The following HMBOX1 variants were observed in gnomAD, a reference collection of about 807,000 sequenced individuals.
HMBOX1 encodes the protein homeobox containing 1.
HMBOX1 carries 14 observed loss-of-function variants against 54.5 expected under a neutral mutation model. The observed-to-expected ratio is 0.26, with a 90% CI of 0.17 to 0.40. HMBOX1 has a LOEUF of 0.40. HMBOX1 is among the 10% of genes least tolerant of loss of function. HMBOX1 has a pLI of 1.00. For missense variants in HMBOX1, 332 were observed against 514.4 expected (o/e 0.65, Z 3.43); for synonymous variants, 160 against 181.0 (o/e 0.88, Z 0.93).
chr8:29,022,086 C>T (rs1286078273), intron 6 of HMBOX1, among the ~76,000 whole-genome samples: 1 of 152,058 alleles, frequency 6.6e-6, no homozygotes, highest in Non-Finnish European at 1.5e-5. Flanking sequence ...AGGAAAATTA[C>T]CTATGAGTTT....
At chr8:29,004,162 A>G (rs1833082795) in intron 4 of HMBOX1, among the ~76,000 whole-genome samples, 1 of 152,196 alleles carries the variant, frequency 6.6e-6, no homozygotes, top group Admixed American at 6.5e-5. Context: ...TGTGTTGAGG[A>G]CCTGTGGGAA....
At chr8:28,935,780 C>T (rs982987401) in intron 1 of HMBOX1, among the ~76,000 whole-genome samples, 3 of 152,096 alleles carry the variant, frequency 2.0e-5, no homozygotes, top group African/African-American at 2.4e-5. Flanking sequence ...GTATAATTCG[C>T]GGCTTTATTT....
Position 28,990,883 on chromosome 8 carries a change from A to G in HMBOX1, c.586+10727A>G, listed in dbSNP as rs184206409. Among the ~76,000 whole-genome samples the G allele has an allele frequency of 6.6e-3, 1,011 of 152,128 alleles. 14 individuals are homozygous for G. Among genetic ancestry groups the G allele is most frequent in the African/African-American group, 0.023 (954 of 41,502 alleles). On this transcript the variant is annotated intron_variant, in intron 4 of 9. Coordinates refer to ENST00000287701, the MANE Select transcript of HMBOX1 (RefSeq NM_001135726.3). ...TGGCCAGGCTGGTCTCGAGCTCCTGACTTCAAGTGATCTGCCCACCTCGGC... is the reference window on the plus strand; with the variant it reads ...TGGCCAGGCTGGTCTCGAGCTCCTGGCTTCAAGTGATCTGCCCACCTCGGC...
At chr8:28,968,436 G>T (rs1342904526) in intron 2 of HMBOX1, among the ~76,000 whole-genome samples, 1 of 152,168 alleles carries the variant, frequency 6.6e-6, no homozygotes, top group Non-Finnish European at 1.5e-5. Context: ...TAAGATCTAG[G>T]CTTAAATCTT....
At chr8:29,026,487 G>T (rs1230232428) in intron 6 of HMBOX1, among the ~76,000 whole-genome samples, 1 of 152,046 alleles carries the variant, frequency 6.6e-6, no homozygotes, top group Non-Finnish European at 1.5e-5. Flanking sequence ...CTATTAAATT[G>T]TATGCCTTAA....
rs533449506 is a variant in HMBOX1, at chr8:28,901,792, T to C, written c.-58+11114T>C. On this transcript the variant is annotated intron_variant, in intron 1 of 9. Coordinates refer to ENST00000287701, the MANE Select transcript of HMBOX1 (RefSeq NM_001135726.3). The stretch of plus-strand genomic sequence containing the variant: ...ATGTCTTATTTTCTTATTCCAGAAG[T>C]CATTTTCTGTATTGCATTCAAGTAA... 2.6e-5 allele frequency among the ~76,000 whole-genome samples: 4 copies of C among 152,336 alleles called. No homozygotes were observed. In the South Asian group the frequency reaches 6.2e-4, roughly 24 times the overall value.
At chr8:28,897,047 C>T (rs1283095150) in intron 1 of HMBOX1, among the ~76,000 whole-genome samples, 9 of 150,228 alleles carry the variant, frequency 6.0e-5, no homozygotes, top group South Asian at 2.1e-4. Context: ...TACAATGGCG[C>T]GATGTCATCT....
At chr8:28,999,944 C>T (rs1832392855) in intron 4 of HMBOX1, among the ~76,000 whole-genome samples, 1 of 152,076 alleles carries the variant, frequency 6.6e-6, no homozygotes. Flanking sequence ...TTTCTTGTTT[C>T]TTTGCATGTC....
chr8:29,004,040 T>G (rs187414831), intron 4 of HMBOX1, among the ~76,000 whole-genome samples: 1 of 152,274 alleles, frequency 6.6e-6, no homozygotes, highest in African/African-American at 2.4e-5. Flanking sequence ...AGAAAGTGAT[T>G]GTATTTAGTA....
In HMBOX1 at chr8:29,009,124, G is replaced by A. The variant is rs1833874410; in HGVS notation, c.639G>A (p.Leu213=). 1 of 1,613,572 alleles carries A rather than the reference G, an allele frequency of 6.2e-7. No individual in the cohort carries two copies. Among genetic ancestry groups the A allele is most frequent in the African/African-American group, 1.3e-5 (1 of 74,920 alleles). The change falls in exon 5 of 10, where the codon CTG becomes CTA. Residue 213 remains leucine, a synonymous_variant. Coordinates refer to ENST00000287701, the MANE Select transcript of HMBOX1 (RefSeq NM_001135726.3). ...GGCTGTTGCAGCAGGGATCAGACCT[G>A]AGTGAACAGAAGAAAAGAGCATTTT... ...SHWLLQQGSD[L]SEQKKRAFYR... is the part of the protein sequence containing the mutation.
intron 1 of HMBOX1, among the ~76,000 whole-genome samples, chr8:28,937,481 A>G (rs895706054): frequency 6.6e-6 from 1 of 152,214 alleles, no homozygotes; most frequent in Non-Finnish European, 1.5e-5. Context: ...TCCATTAAAA[A>G]AAGTCCTTTT....
At chr8:28,912,938 T>A (rs988165883) in intron 1 of HMBOX1, among the ~76,000 whole-genome samples, 9 of 152,220 alleles carry the variant, frequency 5.9e-5, no homozygotes, top group Admixed American at 2.6e-4. Flanking sequence ...TTGCTTATTG[T>A]AGGAAATGAC....
chr8:28,977,037 C>T (rs1013771242), intron 3 of HMBOX1, among the ~76,000 whole-genome samples: 2 of 152,114 alleles, frequency 1.3e-5, no homozygotes, highest in Non-Finnish European at 2.9e-5. Flanking sequence ...ATTATTGGTA[C>T]TTAGAGACTT....
intron 4 of HMBOX1, among the ~76,000 whole-genome samples, chr8:29,007,525 A>G (rs1833635510): frequency 6.6e-6 from 1 of 152,116 alleles, no homozygotes; most frequent in African/African-American, 2.4e-5. Context: ...TTGAAATTGA[A>G]AGATTTTTCC....
At chr8:29,009,535 T>G in intron 5 of HMBOX1, 1 of 922,356 alleles carries the variant, frequency 1.1e-6, no homozygotes. Context: ...TTTTTTTTTT[T>G]TTTTTTTTTG....
At chr8:29,003,555 A>AATAAATATATATATAT (rs1832975370) in intron 4 of HMBOX1, among the ~76,000 whole-genome samples, 1 of 71,314 alleles carries the variant, frequency 1.4e-5, no homozygotes, top group East Asian at 6.4e-4. Flanking sequence ...TTCTGTATTA[A>AATAAATATATATATAT]ATATATATAT....
Position 28,948,513 on chromosome 8 carries a change from C to T in HMBOX1, c.-57-15298C>T, listed in dbSNP as rs972153283. On this transcript the variant is annotated intron_variant, in intron 1 of 9. Coordinates refer to ENST00000287701, the MANE Select transcript of HMBOX1 (RefSeq NM_001135726.3). Reference sequence around the variant, plus strand: ...ATTTTCTTCCCCTTCTACAGGAAATCCTTGTCTATGGCCAGCTATGGAGGG... The same window carrying T: ...ATTTTCTTCCCCTTCTACAGGAAATTCTTGTCTATGGCCAGCTATGGAGGG... Among the ~76,000 whole-genome samples, 10 of 152,166 alleles carry T rather than the reference C, an allele frequency of 6.6e-5. No homozygotes were observed. The South Asian group carries it at 1.0e-3, about 16-fold the overall frequency.
chr8:29,040,481 C>T (rs1804653212), intron 6 of HMBOX1, among the ~76,000 whole-genome samples: 1 of 152,072 alleles, frequency 6.6e-6, no homozygotes, highest in Admixed American at 6.5e-5. Flanking sequence ...CTATAAATGT[C>T]ATTTTATCAG....
intron 1 of HMBOX1, among the ~76,000 whole-genome samples, chr8:28,904,981 C>T (rs780429614): frequency 2.0e-5 from 3 of 152,160 alleles, no homozygotes; most frequent in Non-Finnish European, 4.4e-5. Context: ...GGCCTCTTCA[C>T]ACTCTTATTT....
Sources: allele counts gnomAD v4.1 joint callset (sites outside exome capture counted in the v4.1 genomes callset), GRCh38; gene constraint gnomAD v4.1.1; transcripts MANE v1.5; gene names NCBI Gene and HGNC (gene_info 2026-07-23, HGNC 2026-07-21).